ITGAE: variants seen among roughly 807,000 people sequenced by gnomAD.
ITGAE encodes integrin alpha-E.
ITGAE carries 99 observed loss-of-function variants against 136.5 expected under a neutral mutation model. The observed-to-expected ratio is 0.73, with a 90% CI of 0.62 to 0.86. ITGAE has a LOEUF of 0.86. ITGAE is among the 40% of genes least tolerant of loss of function. The probability of loss-of-function intolerance (pLI) is 0.00; values close to 1 mark genes in which losing one functional copy is unlikely to be tolerated. For synonymous variants in ITGAE, 613 were observed against 591.8 expected (o/e 1.04, Z -0.52); for missense variants, 1,447 against 1,515.3 (o/e 0.95, Z 0.75).
intron 21 of ITGAE, among the ~76,000 whole-genome samples, chr17:3,733,748 G>A (rs1284456284): frequency 6.6e-6 from 1 of 152,198 alleles, no homozygotes; most frequent in African/African-American, 2.4e-5. Flanking sequence ...GTGTATCACT[G>A]AACAATGGAA....
intron 6 of ITGAE, 145 bp from the exon 7 acceptor site, chr17:3,760,432 T>A (rs2052138542): frequency 3.7e-6 from 1 of 269,272 alleles, no homozygotes; most frequent in East Asian, 1.1e-4. Flanking sequence ...GAGGGAAGCT[T>A]TTTTTTTTTT....
At chr17:3,760,063 G>A (rs1376495983) in intron 7 of ITGAE, 109 bp downstream of exon 7, 1 of 703,116 alleles carries the variant, frequency 1.4e-6, no homozygotes, top group African/African-American at 1.8e-5. Flanking sequence ...GCTGAGCCCA[G>A]CCCAAGTATG....
Position 3,750,463 on chromosome 17 carries a change from A to C in ITGAE, c.1913T>G (p.Val638Gly). ...GCCGAAGTACTGGAGTCCTGGGGCC[A>C]CCGTGGAGGCTCTGATCCGCTGTGG... ...SPSQRIRAST[V>G]APGLQYFGMS... The change falls in exon 16 of 31, where the codon GTG becomes GGG. Residue 638 changes from valine (V) to glycine (G), a missense_variant. This residue lies in a region of ITGAE where 1,031 missense variants were observed against 1,011.4 expected (regional missense o/e 1.02). Transcript: ENST00000263087. The C allele has an allele frequency of 6.2e-7, 1 of 1,614,104 alleles. No homozygotes were observed. The highest frequency in any genetic ancestry group is 1.3e-5 in the African/African-American group (1 of 75,042).
At chr17:3,726,425 T>C in intron 26 of ITGAE, 3 of 811,336 alleles carry the variant, frequency 3.7e-6, no homozygotes, top group Non-Finnish European at 6.0e-6. Context: ...AGGGTGGAAC[T>C]CCCATTCTCA....
At chr17:3,783,920 G>T (rs2143384852) in intron 1 of ITGAE, among the ~76,000 whole-genome samples, 1 of 152,338 alleles carries the variant, frequency 6.6e-6, no homozygotes, top group East Asian at 1.9e-4. Flanking sequence ...ACACTACAAT[G>T]AAAGTGGGAG....
chr17:3,725,607 G>C lies in ITGAE; in HGVS notation c.3085-1863C>G, dbSNP rs758962184. On this transcript the variant is annotated intron_variant, in intron 26 of 30. Coordinates refer to ENST00000263087, the MANE Select transcript of ITGAE (RefSeq NM_002208.5). ...GTGCAACCGCACAGAAGGCTTTATC[G>C]GGCTGAACTCAGTGCACTGTGTCCA... 5 of 1,613,860 alleles carry C rather than the reference G, an allele frequency of 3.1e-6. No homozygotes were observed. The African/African-American group carries it at 4.0e-5, about 13-fold the overall frequency.
At chr17:3,769,825 G>T (rs2052378393) in intron 2 of ITGAE, among the ~76,000 whole-genome samples, 1 of 150,862 alleles carries the variant, frequency 6.6e-6, no homozygotes, top group African/African-American at 2.4e-5. Flanking sequence ...GAGTAGCTGG[G>T]ATTACAGGCA....
At chr17:3,717,021 C>T in intron 29 of ITGAE, 1 of 454,948 alleles carries the variant, frequency 2.2e-6, no homozygotes. Flanking sequence ...TATTCTGGCC[C>T]CTTATCTAGA....
chr17:3,753,725 T>C, intron 13 of ITGAE, 58 bp downstream of exon 13: 2 of 1,599,186 alleles, frequency 1.3e-6, no homozygotes, highest in Non-Finnish European at 1.7e-6. Flanking sequence ...TCCTTTCCCT[T>C]GGGGGCCTCC....
At chr17:3,777,713 C>A in intron 1 of ITGAE, 53 bp from the exon 2 acceptor site, 1 of 1,554,266 alleles carries the variant, frequency 6.4e-7, no homozygotes, top group Non-Finnish European at 8.7e-7. Flanking sequence ...TCCCGTTATT[C>A]CAGCAAATCC....
intron 16 of ITGAE, among the ~76,000 whole-genome samples, chr17:3,748,838 G>C (rs184149200): frequency 3.2e-4 from 48 of 152,290 alleles, no homozygotes; most frequent in African/African-American, 1.1e-3. Flanking sequence ...GTGAGACAGA[G>C]GATGGGAGGA....
intron 26 of ITGAE, chr17:3,726,008 G>A (rs767993323): frequency 8.7e-6 from 14 of 1,613,894 alleles, no homozygotes; most frequent in African/African-American, 2.7e-5. Context: ...ACACCCTGTC[G>A]CGCTTGGAAC....
intron 4 of ITGAE, 82 bp from the exon 5 acceptor site, chr17:3,761,602 A>G: frequency 1.4e-5 from 18 of 1,301,060 alleles, no homozygotes; most frequent in Non-Finnish European, 1.1e-5. Context: ...CCCCCATTCC[A>G]GAACTCAGTG....
At chr17:3,726,734 T>A (rs188762) in intron 26 of ITGAE, 37,613 of 154,930 alleles carry the variant, frequency 0.24, 5,794 homozygotes, top group South Asian at 0.5. Flanking sequence ...TTTTTTTTTT[T>A]AATTTTATTG....
chr17:3,774,123 C>A (rs1442156692), intron 2 of ITGAE, among the ~76,000 whole-genome samples: 3 of 151,952 alleles, frequency 2.0e-5, no homozygotes, highest in Non-Finnish European at 4.4e-5. Flanking sequence ...CCTATTCAAG[C>A]AAAGCTCCCG....
chr17:3,772,227 C>A (rs1354836305), intron 2 of ITGAE, among the ~76,000 whole-genome samples: 1 of 152,164 alleles, frequency 6.6e-6, no homozygotes, highest in African/African-American at 2.4e-5. Flanking sequence ...CCCCCCCGTA[C>A]CTCGGACGTC....
chr17:3,796,235 C>A (rs2053100514), intron 1 of ITGAE, among the ~76,000 whole-genome samples: 1 of 150,650 alleles, frequency 6.6e-6, no homozygotes. Context: ...CCCTGAGAGC[C>A]AGCTGGTGCC....
intron 2 of ITGAE, among the ~76,000 whole-genome samples, chr17:3,771,879 C>T (rs2143241329): frequency 6.6e-6 from 1 of 152,198 alleles, no homozygotes; most frequent in East Asian, 1.9e-4. Context: ...TAAAATTTTA[C>T]CCAAACCAAA....
intron 1 of ITGAE, among the ~76,000 whole-genome samples, chr17:3,791,369 G>A (rs2052935217): frequency 6.6e-6 from 1 of 151,898 alleles, no homozygotes; most frequent in Admixed American, 6.6e-5. Flanking sequence ...TACAACCTCT[G>A]TCTCCCGGAT....
Sources: gnomAD v4.1 joint callset for allele counts (sites outside exome capture counted in the v4.1 genomes callset) on GRCh38, gnomAD v4.1.1 for gene constraint, gnomAD v4.1.1 regional missense constraint, MANE v1.5 for transcripts, NCBI Gene and HGNC (gene_info 2026-07-23, HGNC 2026-07-21) for gene names.